The following TPM3 variants were observed in gnomAD, a reference collection of about 807,000 sequenced individuals.
TPM3 encodes tropomyosin 3.
In TPM3, 16 loss-of-function variants were observed where a neutral mutation model predicts 43.1. That is an observed-to-expected ratio of 0.37 (90% CI 0.25 to 0.56). The LOEUF (loss-of-function observed/expected upper bound fraction) is 0.56, where lower values mean the gene tolerates loss of function less well. Ranked by LOEUF, TPM3 falls within the 20% of genes least tolerant of loss-of-function variation. The probability of loss-of-function intolerance (pLI) is 0.77; values close to 1 mark genes in which losing one functional copy is unlikely to be tolerated. For missense variants in TPM3, 176 were observed against 337.2 expected, an observed-to-expected ratio of 0.52 and a Z score of 3.74; for synonymous variants, 101 against 116.9, an observed-to-expected ratio of 0.86 and a Z score of 0.88.
At chr1:154,177,396 A>C (rs1571423786) in intron 2 of TPM3, among the ~76,000 whole-genome samples, 1 of 152,162 alleles carries the variant, frequency 6.6e-6, no homozygotes, top group African/African-American at 2.4e-5. Context: ...TCTCACAATG[A>C]AGTATATAGG....
chr1:154,183,106 G>C (rs2148282904), intron 2 of TPM3: 1 of 1,599,020 alleles, frequency 6.3e-7, no homozygotes, highest in East Asian at 2.2e-5. Context: ...CTCGATGGTG[G>C]TGATCCCAGC....
At chr1:154,171,996 A>G (rs1480462031) in intron 5 of TPM3, 4 of 1,610,924 alleles carry the variant, frequency 2.5e-6, no homozygotes, top group African/African-American at 2.7e-5. Context: ...CACACCACAT[A>G]TATAACCTTG....
rs1347978319 is a variant in TPM3, at chr1:154,165,480, A to C, written c.*2457T>G. Among the ~76,000 whole-genome samples, 1 of 151,546 alleles carries C rather than the reference A, an allele frequency of 6.6e-6. No homozygotes were observed. The highest frequency in any genetic ancestry group is 1.5e-5 in the Non-Finnish European group (1 of 67,922). ...AAAAATCCACTTTTGGAACCCAATAAAAATGAATATGCAAGTTTAACATGT... is the reference window on the plus strand; with the variant it reads ...AAAAATCCACTTTTGGAACCCAATACAAATGAATATGCAAGTTTAACATGT... On this transcript the variant is annotated 3_prime_UTR_variant, in exon 10 of 10. Coordinates refer to ENST00000651641, the MANE Select transcript of TPM3 (RefSeq NM_152263.4).
In TPM3 at chr1:154,162,102, G is replaced by A. The variant is rs988908774; in HGVS notation, c.*5835C>T. Among the ~76,000 whole-genome samples the A allele has an allele frequency of 2.0e-5, 3 of 151,976 alleles. No individual in the cohort carries two copies. Among genetic ancestry groups the A allele is most frequent in the Admixed American group, 6.6e-5 (1 of 15,260 alleles). The stretch of plus-strand genomic sequence containing the variant: ...AAACAACCCCATGGCCAGGTGCAGT[G>A]GCTCAAGTCTGTAACCCCAGCACTT... On this transcript the variant is annotated 3_prime_UTR_variant, in exon 10 of 10. Coordinates refer to ENST00000651641, the MANE Select transcript of TPM3 (RefSeq NM_152263.4).
intron 8 of TPM3, 164 bp from the exon 9 acceptor site, chr1:154,169,547 G>C: frequency 1.4e-6 from 1 of 698,990 alleles, no homozygotes; most frequent in Non-Finnish European, 2.5e-6. Context: ...GACATTTTCA[G>C]ATCTACTCTC....
At chr1:154,173,934 C>T (rs1419786163) in intron 3 of TPM3, among the ~76,000 whole-genome samples, 7 of 151,546 alleles carry the variant, frequency 4.6e-5, no homozygotes, top group African/African-American at 1.7e-4. Flanking sequence ...AAGCCAAGAT[C>T]GCACTGCTGC....
chr1:154,190,133 G>A (rs952565574), intron 2 of TPM3, among the ~76,000 whole-genome samples: 38 of 152,090 alleles, frequency 2.5e-4, no homozygotes, highest in African/African-American at 8.9e-4. Context: ...CTAGAGACAG[G>A]GTTTCACCAT....
At chr1:154,189,799 A>AG (rs1663600417) in intron 2 of TPM3, among the ~76,000 whole-genome samples, 1 of 117,544 alleles carries the variant, frequency 8.5e-6, no homozygotes, top group African/African-American at 4.4e-5. Context: ...ACCCTGTCTC[A>AG]AAAAAAAAAA....
At chr1:154,172,616 AC>A (rs537676032) in intron 5 of TPM3, 4 of 467,856 alleles carry the variant, frequency 8.5e-6, no homozygotes, top group South Asian at 6.0e-5. Flanking sequence ...AGGTGGAAGG[AC>A]CCAGTAGGAT....
At position 154,164,374 on chromosome 1, in the gene TPM3, G is replaced by A. The variant is rs1660729307; in HGVS notation, c.*3563C>T. On this transcript the variant is annotated 3_prime_UTR_variant, in exon 10 of 10. Coordinates refer to ENST00000651641, the MANE Select transcript of TPM3 (RefSeq NM_152263.4). ...CAGGTTCTCACTTTATTGCCAGGCT[G>A]GTCTCGAACTCCTGGATTCAAGAAA... 3.9e-5 allele frequency among the ~76,000 whole-genome samples: 6 copies of A among 152,102 alleles called. No homozygotes were observed. In the South Asian group the frequency reaches 1.2e-3, roughly 32 times the overall value.
intron 5 of TPM3, chr1:154,172,055 T>C (rs1203631773): frequency 6.2e-7 from 1 of 1,614,022 alleles, no homozygotes; most frequent in African/African-American, 1.3e-5. Context: ...CTCAGACACT[T>C]CAGGTTCTGG....
At chr1:154,172,449 G>A (rs1489988342) in intron 5 of TPM3, 1 of 518,414 alleles carries the variant, frequency 1.9e-6, no homozygotes, top group Non-Finnish European at 3.9e-6. Flanking sequence ...TTAGGGACAG[G>A]GTCTCCCTAT....
In TPM3 at chr1:154,172,902, A is replaced by G; in HGVS notation, c.566+6T>C. The stretch of plus-strand genomic sequence containing the variant: ...AATGACAAGATTTGGGGAGCTAGAT[A>G]CTCACGACTCTGCCAGCTCAGCTCG... On this transcript the variant is annotated splice_donor_region_variant and intron_variant, in intron 5 of 9. Transcript: ENST00000651641. The G allele has an allele frequency of 6.2e-7, 1 of 1,614,128 alleles. No individual in the cohort carries two copies. The highest frequency in any genetic ancestry group is 8.5e-7 in the Non-Finnish European group (1 of 1,180,018).
At position 154,185,056 on chromosome 1, in the gene TPM3, C is replaced by CA. The variant is rs546282034; in HGVS notation, c.243+6129dup. ...ATGCCACTGTACTTCCAAGTACCCC[C>CA]AAGGAACTGTTTATGAGTTAGAAAC... On this transcript the variant is annotated intron_variant, in intron 2 of 9. Transcript: ENST00000651641. Among the ~76,000 whole-genome samples the CA allele has an allele frequency of 5.8e-4, 88 of 152,200 alleles. 1 individual carries two copies. The highest frequency in any genetic ancestry group is 1.1e-3 in the Non-Finnish European group (74 of 68,016).
At chr1:154,176,393 T>C in intron 2 of TPM3, 145 bp from the exon 3 acceptor site, 2 of 1,128,830 alleles carry the variant, frequency 1.8e-6, no homozygotes, top group Non-Finnish European at 1.3e-6. Flanking sequence ...TGTTAAAAGA[T>C]CTAGCAGACA....
intron 1 of TPM3, 40 bp downstream of exon 1, chr1:154,191,862 T>G: frequency 6.2e-7 from 1 of 1,602,334 alleles, no homozygotes. Context: ...TTCACAGTCT[T>G]GTTCACTAGC....
chr1:154,173,626 T>C (rs1045027694), intron 3 of TPM3, among the ~76,000 whole-genome samples: 9 of 150,208 alleles, frequency 6.0e-5, no homozygotes, highest in African/African-American at 2.2e-4. Context: ...ATCGAGCCAT[T>C]GCACTCCAGC....
rs772372229 is a variant in TPM3, at chr1:154,167,604, T to C, written c.*333A>G. ...GCTGAGTTTAAATGTCAAGAAAAAA[T>C]AGACACACACAAAAGTGGCTTTGAT... On this transcript the variant is annotated 3_prime_UTR_variant, in exon 10 of 10. Transcript: ENST00000651641. The C allele has an allele frequency of 4.5e-5, 55 of 1,215,800 alleles. No individual in the cohort carries two copies. In the East Asian group the frequency reaches 1.1e-3, roughly 25 times the overall value. The allele number at this position is 1,215,800 out of a possible 1,614,324, so 75.3% of individuals were successfully genotyped here.
At chr1:154,174,407 T>TATATATATATACAC (rs1261318136) in intron 3 of TPM3, among the ~76,000 whole-genome samples, 109 of 72,618 alleles carry the variant, frequency 1.5e-3, no homozygotes, top group East Asian at 2.3e-3. Context: ...TATATATATA[T>TATATATATATACAC]ACACACAAAA....
Sources: gnomAD v4.1 joint callset for allele counts (sites outside exome capture counted in the v4.1 genomes callset) on GRCh38, gnomAD v4.1.1 for gene constraint, MANE v1.5 for transcripts, NCBI Gene and HGNC (gene_info 2026-07-23, HGNC 2026-07-21) for gene names.